AIM2: variants seen among roughly 807,000 people sequenced by gnomAD.
AIM2 encodes the protein absent in melanoma 2.
AIM2 carries 30 observed loss-of-function variants against 27.7 expected under a neutral mutation model. That is an observed-to-expected ratio of 1.08 (90% CI 0.81 to 1.47). The LOEUF is 1.47. Ranked by LOEUF, AIM2 falls within the 40% of genes most tolerant of loss-of-function variation. The probability of loss-of-function intolerance (pLI) is 0.00; values close to 1 mark genes in which losing one functional copy is unlikely to be tolerated. For missense variants in AIM2, 358 were observed against 411.3 expected, an observed-to-expected ratio of 0.87 and a Z score of 1.12; for synonymous variants, 141 against 145.3, an observed-to-expected ratio of 0.97 and a Z score of 0.21.
chr1:159,067,057 T>C (rs1021562668), intron 3 of AIM2, among the ~76,000 whole-genome samples: 12 of 152,308 alleles, frequency 7.9e-5, no homozygotes, highest in African/African-American at 2.2e-4. Flanking sequence ...AAAATAGGTA[T>C]AGTCACAAAA....
At chr1:159,088,644 G>A (rs1570957342) in intron 1 of AIM2, among the ~76,000 whole-genome samples, 1 of 152,322 alleles carries the variant, frequency 6.6e-6, no homozygotes, top group Non-Finnish European at 1.5e-5. Context: ...GTCTTTAAGA[G>A]GTGATGAGTC....
intron 1 of AIM2, among the ~76,000 whole-genome samples, chr1:159,131,994 T>C (rs1647897476): frequency 1.3e-5 from 2 of 151,086 alleles, no homozygotes; most frequent in Admixed American, 6.6e-5. Flanking sequence ...ATACAGAAAA[T>C]AAAATAGTAT....
intron 1 of AIM2, among the ~76,000 whole-genome samples, chr1:159,107,107 A>C (rs924219617): frequency 6.6e-6 from 1 of 152,216 alleles, no homozygotes; most frequent in African/African-American, 2.4e-5. Flanking sequence ...TGCTGTAGAA[A>C]GTTCCAATAG....
chr1:159,100,378 T>C (rs1467848972), intron 1 of AIM2, among the ~76,000 whole-genome samples: 1 of 152,068 alleles, frequency 6.6e-6, no homozygotes, highest in African/African-American at 2.4e-5. Flanking sequence ...ATCTAATACA[T>C]CAAATGTATG....
chr1:159,101,635 T>C (rs1352453453), intron 1 of AIM2, among the ~76,000 whole-genome samples: 2 of 152,176 alleles, frequency 1.3e-5, no homozygotes, highest in Non-Finnish European at 2.9e-5. Context: ...AAAATGCTGA[T>C]AGTGATATGG....
intron 1 of AIM2, among the ~76,000 whole-genome samples, chr1:159,139,533 T>C (rs901710243): frequency 5.3e-5 from 8 of 152,238 alleles, no homozygotes; most frequent in Non-Finnish European, 1.5e-5. Context: ...CTCTTTTTTT[T>C]AATACATAAG....
At position 159,130,800 on chromosome 1, in the gene AIM2, CCACACACACACA is replaced by C. The variant is rs10557540; in HGVS notation, c.-16+9619_-16+9630del. On this transcript the variant is annotated intron_variant, in intron 1 of 2. Transcript: ENST00000368129. The stretch of plus-strand genomic sequence containing the variant: ...CAAACTATAAATCTAAGCCTGGTCA[CCACACACACACA>C]CACACACACACACACACACACACAC... Among the ~76,000 whole-genome samples the C allele has an allele frequency of 7.7e-3, 1,113 of 144,840 alleles. 6 individuals carry two copies. The highest frequency in any genetic ancestry group is 0.012 in the Non-Finnish European group (766 of 66,364).
At chr1:159,092,425 G>C (rs1247203082) in intron 1 of AIM2, among the ~76,000 whole-genome samples, 1 of 152,186 alleles carries the variant, frequency 6.6e-6, no homozygotes, top group Non-Finnish European at 1.5e-5. Flanking sequence ...ACACAGATTA[G>C]AGACTGGCCC....
At chr1:159,058,568 C>T (rs886545944), downstream of AIM2, among the ~76,000 whole-genome samples, 3 of 151,980 alleles carry the variant, frequency 2.0e-5, no homozygotes, top group Non-Finnish European at 2.9e-5. Flanking sequence ...GTCGACCATC[C>T]CAACCCCTGG....
chr1:159,067,971 A>G (rs1217444901), intron 3 of AIM2, among the ~76,000 whole-genome samples: 2 of 151,996 alleles, frequency 1.3e-5, no homozygotes, highest in Non-Finnish European at 2.9e-5. Context: ...ATGCAGGTGT[A>G]TAAAGGGCTT....
At chr1:159,092,323 A>AAT (rs1210794004) in intron 1 of AIM2, among the ~76,000 whole-genome samples, 3 of 152,182 alleles carry the variant, frequency 2.0e-5, no homozygotes, top group Non-Finnish European at 4.4e-5. Context: ...AAATGTTATA[A>AAT]ATATATATAT....
intron 1 of AIM2, among the ~76,000 whole-genome samples, chr1:159,100,972 A>G (rs986168032): frequency 2.0e-5 from 3 of 151,598 alleles, no homozygotes; most frequent in African/African-American, 7.3e-5. Flanking sequence ...GTGTAGATTC[A>G]GTTGACTCAG....
At chr1:159,111,831 CATCTATCTATCTATCTATCT>C (rs55915998) in intron 1 of AIM2, among the ~76,000 whole-genome samples, 45 of 137,660 alleles carry the variant, frequency 3.3e-4, no homozygotes, top group African/African-American at 6.1e-4. Context: ...ATCTATCTAT[CATCTATCTATCTATCTATCT>C]ATCTATCTAT....
At chr1:159,089,997 T>C (rs1160044301) in intron 1 of AIM2, among the ~76,000 whole-genome samples, 1 of 152,150 alleles carries the variant, frequency 6.6e-6, no homozygotes, top group African/African-American at 2.4e-5. Flanking sequence ...TTCCCCAAGG[T>C]TGCATCCTTC....
chr1:159,125,128 T>C (rs1012935256), intron 1 of AIM2, among the ~76,000 whole-genome samples: 5 of 152,036 alleles, frequency 3.3e-5, no homozygotes, highest in African/African-American at 1.2e-4. Context: ...AGAGCCAGAG[T>C]ATGTTGTGAG....
At chr1:159,085,269 CCT>C (rs1212379180) in intron 1 of AIM2, among the ~76,000 whole-genome samples, 1 of 152,144 alleles carries the variant, frequency 6.6e-6, no homozygotes, top group Non-Finnish European at 1.5e-5. Context: ...GAATCTGACT[CCT>C]GTCTTCTGAG....
upstream of AIM2, among the ~76,000 whole-genome samples, chr1:159,080,372 C>T (rs966154635): frequency 1.3e-5 from 2 of 152,152 alleles, no homozygotes; most frequent in Non-Finnish European, 2.9e-5. Context: ...AAATCTATGA[C>T]TCTGAAGACT....
upstream of AIM2, among the ~76,000 whole-genome samples, chr1:159,141,015 C>T (rs1648101938): frequency 6.6e-6 from 1 of 152,142 alleles, no homozygotes; most frequent in African/African-American, 2.4e-5. Flanking sequence ...GTTTATTCCA[C>T]TGAGACAAAG....
intron 1 of AIM2, among the ~76,000 whole-genome samples, chr1:159,108,697 C>T (rs535536207): frequency 4.6e-5 from 7 of 152,302 alleles, no homozygotes; most frequent in African/African-American, 1.2e-4. Flanking sequence ...AGCAAAGTTT[C>T]GGGATACAAA....
Sources: allele counts gnomAD v4.1 joint callset (sites outside exome capture counted in the v4.1 genomes callset), GRCh38; gene constraint gnomAD v4.1.1; transcripts MANE v1.5; gene names NCBI Gene and HGNC (gene_info 2026-07-23, HGNC 2026-07-21).